Variants in MIB1 observed in about 807,000 individuals in gnomAD.
MIB1 encodes the protein MIB E3 ubiquitin protein ligase 1.
MIB1 carries 278 observed loss-of-function variants against 124.5 expected under a neutral mutation model. The ratio of observed to expected loss-of-function variants is 2.23; its 90% CI spans 2.02 to 2.47. MIB1 has a LOEUF of 2.47. Ranked by LOEUF, MIB1 falls within the 30% of genes most tolerant of loss-of-function variation. The pLI, the probability that MIB1 is intolerant of heterozygous loss-of-function variation, is 0.00. For synonymous variants in MIB1, 446 were observed against 429.4 expected, an observed-to-expected ratio of 1.04 and a Z score of -0.48; for missense variants, 957 against 1,254.4, an observed-to-expected ratio of 0.76 and a Z score of 3.58.
At chr18:21,786,349 G>A (rs1345941259) in intron 6 of MIB1, among the ~76,000 whole-genome samples, 3 of 152,128 alleles carry the variant, frequency 2.0e-5, no homozygotes, top group Admixed American at 1.3e-4. Context: ...CGCCCGCCTC[G>A]GCCTCCCAAA....
chr18:21,831,681 C>G, intron 12 of MIB1, among the ~76,000 whole-genome samples: 1 of 151,916 alleles, frequency 6.6e-6, no homozygotes, highest in Non-Finnish European at 1.5e-5. Flanking sequence ...TAAGCACTGC[C>G]AAATAAAGCG....
chr18:21,815,511 A>T, intron 10 of MIB1, 105 bp from the exon 11 acceptor site: 1 of 986,364 alleles, frequency 1.0e-6, no homozygotes, highest in South Asian at 1.7e-5. Context: ...TGTTTCCTAC[A>T]TTGCCTTTTC....
chr18:21,814,773 C>T (rs1250423977), intron 10 of MIB1, among the ~76,000 whole-genome samples: 3 of 150,996 alleles, frequency 2.0e-5, no homozygotes, highest in Admixed American at 6.6e-5. Flanking sequence ...GGGTTTTCTC[C>T]GTGTTGGCCA....
chr18:21,745,711 A>ACAC (rs1555687309), intron 1 of MIB1, among the ~76,000 whole-genome samples: 3 of 131,020 alleles, frequency 2.3e-5, no homozygotes, highest in African/African-American at 3.3e-5. Context: ...CACACACACA[A>ACAC]AATTTTATTT....
At chr18:21,771,034 T>G (rs1226466020) in intron 3 of MIB1, among the ~76,000 whole-genome samples, 1 of 152,228 alleles carries the variant, frequency 6.6e-6, no homozygotes, top group African/African-American at 2.4e-5. Flanking sequence ...TTCTATTGTA[T>G]CATATAAAGG....
rs1568233280 is a variant in MIB1 at position 21,867,437 on chromosome 18, A to G, written c.*2771A>G. On this transcript the variant is annotated 3_prime_UTR_variant, in exon 21 of 21. Coordinates refer to ENST00000261537, the MANE Select transcript of MIB1 (RefSeq NM_020774.4). ...GGTGCTGTTCTAATGGTATTTGTTCACGTAATTTAACGTTCTTACTGCTTA... is the reference window on the plus strand; with the variant it reads ...GGTGCTGTTCTAATGGTATTTGTTCGCGTAATTTAACGTTCTTACTGCTTA... 6.6e-6 allele frequency: 1 copy of G among 152,600 alleles called. No homozygotes were observed. Among genetic ancestry groups the G allele is most frequent in the East Asian group, 1.9e-4 (1 of 5,204 alleles). The allele number at this position is 152,600 out of a possible 1,614,324, so 9.5% of individuals were successfully genotyped here. A position where few individuals can be genotyped will look rare whatever the true frequency, so the allele number is the denominator to read the frequency against.
intron 11 of MIB1, 41 bp from the exon 12 acceptor site, chr18:21,819,454 A>G: frequency 1.5e-6 from 2 of 1,304,496 alleles, no homozygotes; most frequent in Non-Finnish European, 2.2e-6. Context: ...TAGATGGGAT[A>G]ATTAATTGAA....
chr18:21,820,130 A>AG (rs529107445), intron 12 of MIB1, among the ~76,000 whole-genome samples: 227 of 152,368 alleles, frequency 1.5e-3, no homozygotes, highest in African/African-American at 5.2e-3. Context: ...TACTGAAAAA[A>AG]GTATTTGCTG....
chr18:21,789,513 C>T (rs1347930390), intron 6 of MIB1, among the ~76,000 whole-genome samples: 2 of 152,172 alleles, frequency 1.3e-5, no homozygotes, highest in Non-Finnish European at 2.9e-5. Flanking sequence ...ATTTCCCAAA[C>T]TAATCTTCCG....
At chr18:21,846,869 A>C in intron 15 of MIB1, 75 bp from the exon 16 acceptor site, 1 of 1,397,666 alleles carries the variant, frequency 7.2e-7, no homozygotes, top group South Asian at 1.2e-5. Context: ...CACCACACAC[A>C]CATACATATA....
At chr18:21,726,786 C>T (rs780368334) in intron 1 of MIB1, among the ~76,000 whole-genome samples, 4 of 152,136 alleles carry the variant, frequency 2.6e-5, no homozygotes, top group Admixed American at 1.3e-4. Context: ...TCACTCCCCC[C>T]GTAACAATGA....
rs1332494467 is a variant in MIB1, at chr18:21,705,285, T to A, written n.167+162T>A. Among the ~76,000 whole-genome samples the A allele has an allele frequency of 3.3e-5, 5 of 152,382 alleles. No individual in the cohort carries two copies. The East Asian group carries it at 9.6e-4, about 29-fold the overall frequency. On this transcript the variant is annotated intron_variant and non_coding_transcript_variant, in intron 1 of 20. Transcript: ENST00000578646. ...ACAGTGAGGACATCATACTCGACTC[T>A]GAATCACTCTGTGAATCTTTTTAGT... is the stretch of plus-strand genomic sequence containing the variant.
chr18:21,821,492 G>C (rs181239468), intron 12 of MIB1, among the ~76,000 whole-genome samples: 1 of 151,702 alleles, frequency 6.6e-6, no homozygotes, highest in Non-Finnish European at 1.5e-5. Context: ...GCCCCATCCC[G>C]CTTCTTTATC....
chr18:21,844,431 CA>C (rs2042118251), intron 15 of MIB1, among the ~76,000 whole-genome samples, 178 bp downstream of exon 15: 1 of 151,946 alleles, frequency 6.6e-6, no homozygotes. Flanking sequence ...ACATTTTTAC[CA>C]AAAGTTGTTC....
At chr18:21,724,883 G>C (rs1310029203) in intron 1 of MIB1, among the ~76,000 whole-genome samples, 6 of 145,720 alleles carry the variant, frequency 4.1e-5, no homozygotes, top group Non-Finnish European at 9.0e-5. Flanking sequence ...ACGAGGTCAG[G>C]AGATCGCGAC....
intron 10 of MIB1, among the ~76,000 whole-genome samples, chr18:21,805,841 C>T (rs139741954): frequency 1.3e-5 from 2 of 148,936 alleles, no homozygotes; most frequent in East Asian, 2.0e-4. Context: ...AATGGGTTTG[C>T]GGCTGTGGAA....
At chr18:21,768,533 C>A in intron 2 of MIB1, 90 bp from the exon 3 acceptor site, 1 of 967,058 alleles carries the variant, frequency 1.0e-6, no homozygotes, top group Non-Finnish European at 1.5e-6. Flanking sequence ...TTTTTACTTT[C>A]AAAATAACAT....
At chr18:21,731,132 A>G (rs1040828849) in intron 1 of MIB1, among the ~76,000 whole-genome samples, 1 of 152,146 alleles carries the variant, frequency 6.6e-6, no homozygotes, top group African/African-American at 2.4e-5. Flanking sequence ...ATTCCCATCA[A>G]ATACACTTAT....
At chr18:21,732,056 T>C (rs1259200860) in intron 1 of MIB1, among the ~76,000 whole-genome samples, 1 of 151,910 alleles carries the variant, frequency 6.6e-6, no homozygotes, top group Non-Finnish European at 1.5e-5. Context: ...GCAGGCGCGG[T>C]GGCTCATGCC....
Sources: gnomAD v4.1 joint callset for allele counts (sites outside exome capture counted in the v4.1 genomes callset) on GRCh38, gnomAD v4.1.1 for gene constraint, MANE v1.5 for transcripts, NCBI Gene and HGNC (gene_info 2026-07-23, HGNC 2026-07-21) for gene names.